XCR1: variants seen among roughly 807,000 people sequenced by gnomAD.
XCR1 encodes the protein chemokine XC receptor 1.
For synonymous variants in XCR1, 187 were observed against 188.5 expected, an observed-to-expected ratio of 0.99 and a Z score of 0.06; for missense variants, 356 against 424.2, an observed-to-expected ratio of 0.84 and a Z score of 1.41.
chr3:46,021,279 C>T lies in XCR1; in HGVS notation c.669G>A (p.Thr223=), dbSNP rs148335914. 1.3e-3 allele frequency: 2,084 copies of T among 1,614,180 alleles called. 4 individuals carry two copies. Among genetic ancestry groups the T allele is most frequent in the Non-Finnish European group, 1.6e-3 (1,873 of 1,180,030 alleles). ...FRSRSKRRHR[T]VKLIFAIVVA... ...CCACGATGGCGAAGATGAGCTTGAC[C>T]GTGCGGTGGCGCCGCTTGGAGCGTG... Residue 223 remains threonine (T), a synonymous_variant, in exon 2 of 2, where the codon ACG becomes ACA. Transcript: ENST00000309285. This position sits in a 1 kb window ranked among gnomAD's most constrained non-coding sequence, Gnocchi z 4.7.
chr3:46,051,990 C>A (rs1012865070), intron 5 of XCR1, among the ~76,000 whole-genome samples: 11 of 151,520 alleles, frequency 7.3e-5, no homozygotes, highest in African/African-American at 2.7e-4. Context: ...TGCGCCACTG[C>A]ACTTCAGTCT....
chr3:46,046,323 C>T (rs995737127), intron 5 of XCR1, among the ~76,000 whole-genome samples: 4 of 152,144 alleles, frequency 2.6e-5, no homozygotes, highest in Admixed American at 6.5e-5. Flanking sequence ...AAAGAGATAG[C>T]GAGAAGGGTG....
At chr3:46,081,442 C>T (rs1698360668) in intron 1 of XCR1, among the ~76,000 whole-genome samples, 1 of 152,160 alleles carries the variant, frequency 6.6e-6, no homozygotes, top group African/African-American at 2.4e-5. Context: ...TGATATCCTC[C>T]ATTACTGCCA....
upstream of XCR1, among the ~76,000 whole-genome samples, chr3:46,031,526 G>T (rs1306697126): frequency 6.6e-6 from 1 of 152,224 alleles, no homozygotes; most frequent in Non-Finnish European, 1.5e-5. Flanking sequence ...GGGGCGCTGA[G>T]GGCAGCTCAT....
chr3:46,034,219 T>A (rs1238415086), intron 5 of XCR1, among the ~76,000 whole-genome samples: 1 of 152,126 alleles, frequency 6.6e-6, no homozygotes, highest in Non-Finnish European at 1.5e-5. Context: ...TGATCCACCC[T>A]ACTTGGCCTC....
intron 5 of XCR1, among the ~76,000 whole-genome samples, chr3:46,039,136 G>A (rs1027363553): frequency 1.3e-5 from 2 of 152,194 alleles, no homozygotes; most frequent in Non-Finnish European, 2.9e-5. Context: ...TGTCAGTACT[G>A]TATCTAGAAA....
rs1708166819 is a variant in XCR1 at position 46,021,998 on chromosome 3, G to A, written c.-31-20C>T. 1 of 1,559,622 alleles carries A rather than the reference G, an allele frequency of 6.4e-7. No individual in the cohort carries two copies. The highest frequency in any genetic ancestry group is 1.4e-5 in the African/African-American group (1 of 73,360). On this transcript the variant is annotated intron_variant, in intron 1 of 1. Coordinates refer to ENST00000309285, the MANE Select transcript of XCR1 (RefSeq NM_001024644.2). The surrounding 1 kb of genome is among the most constrained non-coding windows in gnomAD (Gnocchi z 4.7). Reference sequence around the variant, plus strand: ...GAGCATCTGAAATGATAGAGACATGGAGTTTAAAGCCATGTGGTGGCTGGG... The same window carrying A: ...GAGCATCTGAAATGATAGAGACATGAAGTTTAAAGCCATGTGGTGGCTGGG...
chr3:46,071,557 T>C (rs1698164483), intron 3 of XCR1, among the ~76,000 whole-genome samples: 1 of 152,088 alleles, frequency 6.6e-6, no homozygotes, highest in Admixed American at 6.5e-5. Flanking sequence ...ACAAAAATCC[T>C]CAACAAAATA....
upstream of XCR1, among the ~76,000 whole-genome samples, chr3:46,028,603 T>C (rs1246601814): frequency 6.6e-6 from 1 of 151,906 alleles, no homozygotes; most frequent in East Asian, 1.9e-4. Context: ...CTTTCCTTTT[T>C]TTTTTTGAGG....
chr3:46,062,550 G>C (rs934888323), intron 4 of XCR1, among the ~76,000 whole-genome samples: 1 of 152,198 alleles, frequency 6.6e-6, no homozygotes, highest in Admixed American at 6.5e-5. Flanking sequence ...ATAGGTGCTG[G>C]ATCTGCATCT....
At chr3:46,022,371 A>C (rs1006098350) in intron 1 of XCR1, 4 of 162,820 alleles carry the variant, frequency 2.5e-5, no homozygotes, top group African/African-American at 9.6e-5. Context: ...ATCAGAGAAA[A>C]GACCTGGAAT....
chr3:46,071,150 C>G (rs1193000381), intron 3 of XCR1, among the ~76,000 whole-genome samples: 1 of 151,986 alleles, frequency 6.6e-6, no homozygotes, highest in Non-Finnish European at 1.5e-5. Context: ...ACTATATAGT[C>G]ATAAACTAGA....
chr3:46,038,531 G>C (rs1559484344), intron 5 of XCR1, among the ~76,000 whole-genome samples: 1 of 152,016 alleles, frequency 6.6e-6, no homozygotes, highest in Non-Finnish European at 1.5e-5. Context: ...TCTTTGAATA[G>C]ACATTTTGTT....
chr3:46,046,306 T>C (rs1367048256), intron 5 of XCR1, among the ~76,000 whole-genome samples: 1 of 152,194 alleles, frequency 6.6e-6, no homozygotes, highest in Non-Finnish European at 1.5e-5. Flanking sequence ...TCCATATTTA[T>C]TAGGCAAAAG....
At chr3:46,029,735 G>T (rs374208993), upstream of XCR1, among the ~76,000 whole-genome samples, 2 of 152,176 alleles carry the variant, frequency 1.3e-5, no homozygotes, top group South Asian at 4.1e-4. Context: ...AAATTGCATC[G>T]AATTTGTAGA....
At chr3:46,023,839 G>T (rs1158352460) in intron 1 of XCR1, 9 of 1,525,182 alleles carry the variant, frequency 5.9e-6, no homozygotes, top group Non-Finnish European at 8.2e-6. Flanking sequence ...GAAGAGACGT[G>T]TGGAATTCCT....
At chr3:46,053,670 G>A (rs926383339) in intron 5 of XCR1, among the ~76,000 whole-genome samples, 10 of 152,070 alleles carry the variant, frequency 6.6e-5, no homozygotes, top group Non-Finnish European at 1.2e-4. Flanking sequence ...CTCCTGCTCT[G>A]TCCCAATTTT....
At position 46,060,432 on chromosome 3, in the gene XCR1, A is replaced by G. The variant is rs75892959; in HGVS notation, c.-182-6362T>C. 4.1e-3 allele frequency among the ~76,000 whole-genome samples: 618 copies of G among 152,330 alleles called. 3 individuals carry two copies. Among genetic ancestry groups the G allele is most frequent in the African/African-American group, 0.014 (569 of 41,574 alleles). On this transcript the variant is annotated intron_variant, in intron 4 of 5. Coordinates refer to the XCR1 transcript ENST00000683768. ...ACTTTGTCTTCTTCTATTGTGTAGT[A>G]GCAGCCCAATTTCCCTTTGGTAATC...
intron 5 of XCR1, among the ~76,000 whole-genome samples, chr3:46,033,085 C>A (rs1252561384): frequency 6.9e-6 from 1 of 144,450 alleles, no homozygotes; most frequent in South Asian, 2.4e-4. Context: ...TCTATTCATT[C>A]TTTTAACAAG....
Sources: allele counts gnomAD v4.1 joint callset (sites outside exome capture counted in the v4.1 genomes callset), GRCh38; gene constraint gnomAD v4.1.1; non-coding constraint Gnocchi (gnomAD v3.1); transcripts MANE v1.5; gene names NCBI Gene and HGNC (gene_info 2026-07-23, HGNC 2026-07-21).